The following MPP4 variants were observed in gnomAD, a reference collection of about 807,000 sequenced individuals.
MPP4 encodes MAGUK p55 scaffold protein 4.
In MPP4, 91 loss-of-function variants were observed where a neutral mutation model predicts 98.3. That is an observed-to-expected ratio of 0.93 (90% confidence interval 0.78 to 1.10). MPP4 has a LOEUF of 1.10. MPP4 is among the 50% of genes least tolerant of loss of function. MPP4 has a pLI of 0.00. For missense variants in MPP4, 744 were observed against 792.9 expected, an observed-to-expected ratio of 0.94 and a Z score of 0.74; for synonymous variants, 261 against 271.8, an observed-to-expected ratio of 0.96 and a Z score of 0.39.
chr2:201,695,806 T>C (rs1689163393), intron 1 of MPP4, among the ~76,000 whole-genome samples: 1 of 152,186 alleles, frequency 6.6e-6, no homozygotes, highest in South Asian at 2.1e-4. Flanking sequence ...GTGGAGGGGC[T>C]AGCAGCTGGA....
intron 5 of MPP4, among the ~76,000 whole-genome samples, chr2:201,686,361 G>A (rs1407152562): frequency 2.0e-5 from 3 of 152,188 alleles, no homozygotes; most frequent in Non-Finnish European, 4.4e-5. Flanking sequence ...GGCAGCCCAT[G>A]TAATCTGTGA....
chr2:201,655,494 C>A (rs1574602117), intron 17 of MPP4, among the ~76,000 whole-genome samples: 1 of 152,184 alleles, frequency 6.6e-6, no homozygotes, highest in South Asian at 2.1e-4. Flanking sequence ...AATTTTTTAA[C>A]AAGGGGCCCT....
chr2:201,682,224 G>A (rs1348063206), intron 8 of MPP4, among the ~76,000 whole-genome samples: 2 of 152,212 alleles, frequency 1.3e-5, no homozygotes, highest in Non-Finnish European at 2.9e-5. Context: ...GTGATTTCTA[G>A]TACTTCAAGC....
At chr2:201,666,284 A>G in intron 13 of MPP4, 50 bp downstream of exon 13, 2 of 1,475,070 alleles carry the variant, frequency 1.4e-6, no homozygotes, top group Non-Finnish European at 1.8e-6. Flanking sequence ...TCTATAATTG[A>G]CATGCTTCAT....
At chr2:201,698,184 T>C in intron 1 of MPP4, 1 of 642,638 alleles carries the variant, frequency 1.6e-6, no homozygotes, top group Non-Finnish European at 2.0e-6. Flanking sequence ...TACTATTAAA[T>C]GCCACAACCC....
At chr2:201,650,761 A>G (rs758991104) in intron 18 of MPP4, 62 of 985,322 alleles carry the variant, frequency 6.3e-5, no homozygotes, top group Non-Finnish European at 7.4e-5. Flanking sequence ...ACATTCTGCA[A>G]TCTTGACCAG....
intron 18 of MPP4, chr2:201,650,660 A>C: frequency 1.0e-6 from 1 of 985,412 alleles, no homozygotes; most frequent in Non-Finnish European, 1.2e-6. Flanking sequence ...TGAAAAGCGA[A>C]GTTGAAATTA....
chr2:201,647,327 G>A (rs1687592136), intron 21 of MPP4, among the ~76,000 whole-genome samples: 1 of 151,906 alleles, frequency 6.6e-6, no homozygotes, highest in South Asian at 2.1e-4. Flanking sequence ...GCAAACTACG[G>A]CTCAAGGATT....
rs186708282 is a variant in MPP4, at chr2:201,681,979, C to A, written c.661-412G>T. On this transcript the variant is annotated intron_variant, in intron 8 of 21. Coordinates refer to ENST00000409474, the MANE Select transcript of MPP4 (RefSeq NM_033066.3). ...CTGTTTCTACACCAGATACCCCAGT[C>A]TGATGGGGAAGAAGAGGGGCTCCTA... Among the ~76,000 whole-genome samples the A allele has an allele frequency of 3.5e-4, 54 of 152,276 alleles. 1 individual carries two copies. Among genetic ancestry groups the A allele is most frequent in the Admixed American group, 3.2e-3 (49 of 15,302 alleles).
chr2:201,691,049 C>T (rs1689004578), intron 3 of MPP4, among the ~76,000 whole-genome samples: 1 of 152,182 alleles, frequency 6.6e-6, no homozygotes, highest in African/African-American at 2.4e-5. Flanking sequence ...GATGCTGCTT[C>T]CCTGCTCTAT....
chr2:201,689,902 G>A (rs369865035), intron 4 of MPP4, among the ~76,000 whole-genome samples: 3 of 152,112 alleles, frequency 2.0e-5, no homozygotes, highest in Admixed American at 1.3e-4. Context: ...ATATAAATCC[G>A]AGAATTATTA....
rs760126853 is a variant in MPP4, at chr2:201,686,029, T to C, written c.382A>G (p.Thr128Ala). 1.2e-6 allele frequency: 2 copies of C among 1,612,200 alleles called. No individual in the cohort carries two copies. Among genetic ancestry groups the C allele is most frequent in the Admixed American group, 1.7e-5 (1 of 59,992 alleles). Residue 128 changes from threonine (T) to alanine (A), a missense_variant, in exon 6 of 22, where the codon ACG becomes GCG. Coordinates refer to ENST00000409474, the MANE Select transcript of MPP4 (RefSeq NM_033066.3). ...HFKALLSAHDTIAQKDFEPLL... is the reference protein window; with the variant it reads ...HFKALLSAHDAIAQKDFEPLL... ...GGTTCAAAATCTTTCTGAGCTATCG[T>C]GTCATGGGCACTGAGCAAGGCCTGG...
At chr2:201,670,755 T>C (rs1325337154) in intron 11 of MPP4, among the ~76,000 whole-genome samples, 1 of 152,188 alleles carries the variant, frequency 6.6e-6, no homozygotes, top group Non-Finnish European at 1.5e-5. Context: ...TGATAAGATG[T>C]TAAGTGGCTG....
chr2:201,666,439 G>T (rs533546027), intron 12 of MPP4, 67 bp from the exon 13 acceptor site: 2 of 1,297,376 alleles, frequency 1.5e-6, no homozygotes, highest in Non-Finnish European at 1.1e-6. Flanking sequence ...GAAAATTCCC[G>T]GCCAGGCATG....
intron 18 of MPP4, chr2:201,651,313 C>T (rs1047755555): frequency 6.1e-6 from 6 of 985,204 alleles, no homozygotes; most frequent in African/African-American, 1.7e-5. Context: ...TTATTCAAGC[C>T]TCTCATCAGA....
At chr2:201,664,403 G>C in intron 13 of MPP4, 5 of 1,084,590 alleles carry the variant, frequency 4.6e-6, no homozygotes, top group Non-Finnish European at 6.3e-6. Context: ...GAGGGAAGGG[G>C]AAAGTGGAAT....
rs1334782696 is a variant in MPP4, at chr2:201,692,983, G to A, written c.126C>T (p.Phe42=). The stretch of plus-strand genomic sequence containing the variant: ...ACACTCCATTCACATCTCTGCCGTA[G>A]AACAGACTCAGCTCTTGCAGCACAA... ...LRLVLQELSL[F]YGRDVNGVCL... is the part of the protein sequence containing the mutation. The change falls in exon 3 of 22, where the codon TTC becomes TTT. Residue 42 remains phenylalanine, a synonymous_variant. Transcript: ENST00000409474. 5 of 1,613,032 alleles carry A rather than the reference G, an allele frequency of 3.1e-6. No homozygotes were observed. Among genetic ancestry groups the A allele is most frequent in the African/African-American group, 1.3e-5 (1 of 74,890 alleles).
At chr2:201,685,669 A>C (rs1688808355) in intron 6 of MPP4, among the ~76,000 whole-genome samples, 1 of 152,238 alleles carries the variant, frequency 6.6e-6, no homozygotes, top group Non-Finnish European at 1.5e-5. Context: ...TTTCTCACAA[A>C]AATGTCTTAT....
intron 11 of MPP4, among the ~76,000 whole-genome samples, chr2:201,672,310 G>A (rs539915113): frequency 2.0e-5 from 3 of 152,192 alleles, no homozygotes; most frequent in East Asian, 3.9e-4. Flanking sequence ...ATCCAAAATC[G>A]AAACCCTAAC....
Sources: gnomAD v4.1 joint callset for allele counts (sites outside exome capture counted in the v4.1 genomes callset) on GRCh38, gnomAD v4.1.1 for gene constraint, MANE v1.5 for transcripts, NCBI Gene and HGNC (gene_info 2026-07-23, HGNC 2026-07-21) for gene names.